The following TRPM3 variants were observed in gnomAD, a reference collection of about 807,000 sequenced individuals.
TRPM3 encodes the protein long transient receptor potential channel 3.
Under a neutral mutation model 181.2 loss-of-function variants are expected in TRPM3, and 77 were observed. The ratio of observed to expected loss-of-function variants is 0.42; its 90% confidence interval spans 0.35 to 0.51. The LOEUF is 0.51. TRPM3 is among the 20% of genes least tolerant of loss of function. The pLI, the probability that TRPM3 is intolerant of heterozygous loss-of-function variation, is 0.01. For synonymous variants in TRPM3, 745 were observed against 796.4 expected (o/e 0.94, Z 1.09); for missense variants, 1,759 against 2,196.7 (o/e 0.80, Z 3.98).
chr9:70,968,588 C>G (rs940885246), intron 1 of TRPM3, among the ~76,000 whole-genome samples: 1 of 152,086 alleles, frequency 6.6e-6, no homozygotes, highest in African/African-American at 2.4e-5. Flanking sequence ...TCCAGGTCAC[C>G]AGTGTAGCAA....
intron 18 of TRPM3, 136 bp from the exon 19 acceptor site, chr9:70,610,885 C>T (rs2061902766): frequency 9.4e-7 from 1 of 1,064,032 alleles, no homozygotes; most frequent in Non-Finnish European, 1.4e-6. Flanking sequence ...GAGGTTGTAC[C>T]TTCCCTAAGA....
chr9:71,110,104 C>T (rs1375540344), intron 1 of TRPM3, among the ~76,000 whole-genome samples: 1 of 152,054 alleles, frequency 6.6e-6, no homozygotes, highest in Admixed American at 6.6e-5. Context: ...CACACTGCTC[C>T]CCAATAAGCA....
At chr9:71,439,695 C>CA (rs1331828048) in intron 1 of TRPM3, among the ~76,000 whole-genome samples, 10 of 151,604 alleles carry the variant, frequency 6.6e-5, no homozygotes, top group Non-Finnish European at 1.5e-4. Flanking sequence ...TTATTTATTT[C>CA]AAAAAAATAT....
intron 24 of TRPM3, 133 bp from the exon 25 acceptor site, chr9:70,549,807 A>G: frequency 3.4e-6 from 3 of 892,054 alleles, no homozygotes; most frequent in Non-Finnish European, 4.8e-6. Flanking sequence ...TAAGTCTCAA[A>G]TGAAATCCAA....
chr9:70,653,667 C>T (rs1168783546), intron 9 of TRPM3, among the ~76,000 whole-genome samples: 1 of 125,110 alleles, frequency 8.0e-6, no homozygotes, highest in Non-Finnish European at 1.6e-5. Context: ...TCTGAGTTTG[C>T]TTCCTGTCTC....
rs2041522603 is a variant in TRPM3, at chr9:70,535,564, T to A, written c.*389A>T. The A allele has an allele frequency of 2.5e-5, 39 of 1,530,148 alleles. No individual in the cohort carries two copies. Among genetic ancestry groups the A allele is most frequent in the Non-Finnish European group, 3.3e-5 (38 of 1,140,700 alleles). The allele number at this position is 1,530,148 out of a possible 1,614,324, so 94.8% of individuals were successfully genotyped here. On this transcript the variant is annotated 3_prime_UTR_variant, in exon 26 of 26. Transcript: ENST00000677713. The stretch of plus-strand genomic sequence containing the variant: ...TTTTATTTTGCAATTTAGCCCTGCA[T>A]CCTACAACTCTTGATAATGGTCAGA...
intron 1 of TRPM3, among the ~76,000 whole-genome samples, chr9:71,150,092 GTT>G (rs1565278351): frequency 6.6e-6 from 1 of 151,488 alleles, no homozygotes; most frequent in African/African-American, 2.4e-5. Context: ...AACTGAAAAA[GTT>G]AAAAAAAATT....
intron 22 of TRPM3, among the ~76,000 whole-genome samples, chr9:70,575,470 A>C (rs1168715049): frequency 6.6e-6 from 1 of 152,000 alleles, no homozygotes; most frequent in Non-Finnish European, 1.5e-5. Context: ...CACTTTCATT[A>C]ATTTGGCACA....
intron 21 of TRPM3, among the ~76,000 whole-genome samples, chr9:70,591,799 C>A (rs902806789): frequency 3.9e-5 from 6 of 152,116 alleles, no homozygotes; most frequent in African/African-American, 1.4e-4. Flanking sequence ...TCTTGTGGCC[C>A]CACCCCACTG....
intron 9 of TRPM3, among the ~76,000 whole-genome samples, chr9:70,674,722 C>CAA (rs2063651343): frequency 1.1e-5 from 1 of 89,630 alleles, no homozygotes; most frequent in African/African-American, 3.7e-5. Flanking sequence ...ACTATTCAGG[C>CAA]TATTTTTTTT....
intron 1 of TRPM3, among the ~76,000 whole-genome samples, chr9:71,012,593 C>A (rs933352570): frequency 6.6e-6 from 1 of 151,830 alleles, no homozygotes; most frequent in Non-Finnish European, 1.5e-5. Flanking sequence ...AATTTGCTCA[C>A]CTCTATTTTT....
chr9:70,759,367 A>G (rs966874823), intron 8 of TRPM3, among the ~76,000 whole-genome samples: 10 of 152,192 alleles, frequency 6.6e-5, no homozygotes, highest in Non-Finnish European at 1.5e-4. Flanking sequence ...AAATAGAAAC[A>G]CTTTTACACT....
intron 1 of TRPM3, among the ~76,000 whole-genome samples, chr9:71,175,432 G>T (rs1275021837): frequency 6.6e-6 from 1 of 152,168 alleles, no homozygotes; most frequent in African/African-American, 2.4e-5. Context: ...AACTGTGAGT[G>T]GGAAAAATAA....
At chr9:71,089,752 C>T (rs893383598) in intron 1 of TRPM3, among the ~76,000 whole-genome samples, 1 of 152,046 alleles carries the variant, frequency 6.6e-6, no homozygotes, top group Non-Finnish European at 1.5e-5. Flanking sequence ...CTCAGTGTCT[C>T]GTGAGGAAGG....
intron 1 of TRPM3, among the ~76,000 whole-genome samples, chr9:71,284,072 T>G (rs2085076867): frequency 6.6e-6 from 1 of 152,014 alleles, no homozygotes; most frequent in African/African-American, 2.4e-5. Flanking sequence ...TTATTTAACC[T>G]TTGTGGTCCT....
intron 1 of TRPM3, among the ~76,000 whole-genome samples, chr9:71,227,362 A>G (rs1002370673): frequency 2.0e-4 from 31 of 151,978 alleles, no homozygotes; most frequent in African/African-American, 6.5e-4. Flanking sequence ...AACTAAGAGG[A>G]AAGTTTATAG....
chr9:70,823,408 G>A (rs2093338330), intron 6 of TRPM3, among the ~76,000 whole-genome samples: 1 of 151,914 alleles, frequency 6.6e-6, no homozygotes, highest in Non-Finnish European at 1.5e-5. Flanking sequence ...GCTTTCCCCC[G>A]CTCCTCACTG....
chr9:70,680,797 T>C (rs1186895942), intron 9 of TRPM3, among the ~76,000 whole-genome samples: 1 of 152,204 alleles, frequency 6.6e-6, no homozygotes, highest in Non-Finnish European at 1.5e-5. Context: ...TAGTGAAGTG[T>C]AATGTACTTA....
intron 1 of TRPM3, among the ~76,000 whole-genome samples, chr9:71,237,090 A>AAGGGGAT (rs149273913): frequency 0.21 from 29,474 of 141,268 alleles, 3,607 homozygotes; most frequent in African/African-American, 0.34. Flanking sequence ...AGGAAAGGGA[A>AAGGGGAT]GGGGGATGGG....
Sources: allele counts gnomAD v4.1 joint callset (sites outside exome capture counted in the v4.1 genomes callset), GRCh38; gene constraint gnomAD v4.1.1; transcripts MANE v1.5; gene names NCBI Gene and HGNC (gene_info 2026-07-23, HGNC 2026-07-21).